PITPNC1: variants seen among roughly 807,000 people sequenced by gnomAD.
The protein encoded by PITPNC1 is phosphatidylinositol transfer protein cytoplasmic 1.
A neutral mutation model predicts 44.7 loss-of-function variants in PITPNC1; 18 were observed. That is an observed-to-expected ratio of 0.40 (90% confidence interval 0.28 to 0.60). The LOEUF is 0.60. PITPNC1 is among the 20% of genes least tolerant of loss of function. The probability of loss-of-function intolerance (pLI) is 0.39; values close to 1 mark genes in which losing one functional copy is unlikely to be tolerated. For missense variants in PITPNC1, 290 were observed against 418.4 expected, an observed-to-expected ratio of 0.69 and a Z score of 2.68; for synonymous variants, 141 against 149.6, an observed-to-expected ratio of 0.94 and a Z score of 0.42.
At chr17:67,491,227 A>G (rs8068510) in intron 1 of PITPNC1, among the ~76,000 whole-genome samples, 152,294 of 152,372 alleles carry the variant, frequency 1, 76,109 homozygotes, top group Middle Eastern at 1. Flanking sequence ...GCAGCCGGCC[A>G]CTGCAGCTGG....
intron 6 of PITPNC1, among the ~76,000 whole-genome samples, chr17:67,664,282 A>G (rs993777154): frequency 4.6e-5 from 7 of 152,178 alleles, no homozygotes; most frequent in Non-Finnish European, 8.8e-5. Flanking sequence ...TTCCTATGGC[A>G]TAATAATATT....
At chr17:67,478,318 A>G (rs562524974) in intron 1 of PITPNC1, among the ~76,000 whole-genome samples, 1 of 152,170 alleles carries the variant, frequency 6.6e-6, no homozygotes, top group Non-Finnish European at 1.5e-5. Context: ...TTTTTAGTTC[A>G]TTTCTTAAAA....
At chr17:67,505,212 G>A (rs906656464) in intron 1 of PITPNC1, among the ~76,000 whole-genome samples, 1 of 152,124 alleles carries the variant, frequency 6.6e-6, no homozygotes, top group Admixed American at 6.5e-5. Flanking sequence ...GATGTGTTCT[G>A]TTGATTTTTT....
At chr17:67,688,324 G>A (rs1189875793) in intron 8 of PITPNC1, among the ~76,000 whole-genome samples, 1 of 23,524 alleles carries the variant, frequency 4.3e-5, no homozygotes, top group East Asian at 3.8e-3. Flanking sequence ...GGCAACAAGA[G>A]CAAAATTCTG....
chr17:67,564,640 T>A (rs910892601), intron 4 of PITPNC1, among the ~76,000 whole-genome samples: 2 of 152,226 alleles, frequency 1.3e-5, no homozygotes, highest in African/African-American at 4.8e-5. Context: ...AGTTGACGCC[T>A]AAAATTAACC....
chr17:67,685,812 A>T (rs1355550258), intron 8 of PITPNC1, among the ~76,000 whole-genome samples: 1 of 151,922 alleles, frequency 6.6e-6, no homozygotes, highest in Non-Finnish European at 1.5e-5. Context: ...TGGGTTCCTT[A>T]TTTAAGTTTT....
At chr17:67,381,268 C>T (rs1322163736) in intron 1 of PITPNC1, among the ~76,000 whole-genome samples, 1 of 140,872 alleles carries the variant, frequency 7.1e-6, no homozygotes, top group African/African-American at 2.7e-5. Flanking sequence ...GCGGAGCTTG[C>T]AGTGAGCTGA....
At chr17:67,685,876 G>A (rs1283293948) in intron 8 of PITPNC1, among the ~76,000 whole-genome samples, 1 of 151,938 alleles carries the variant, frequency 6.6e-6, no homozygotes, top group African/African-American at 2.4e-5. Flanking sequence ...TGTCGCCCAG[G>A]CTGGAGTGCA....
intron 6 of PITPNC1, among the ~76,000 whole-genome samples, chr17:67,637,069 A>C (rs1225602263): frequency 2.0e-5 from 3 of 152,188 alleles, no homozygotes; most frequent in African/African-American, 7.2e-5. Flanking sequence ...ATGCTAGCTC[A>C]TCACTATGGC....
At chr17:67,504,538 C>G (rs934428916) in intron 1 of PITPNC1, among the ~76,000 whole-genome samples, 1 of 152,174 alleles carries the variant, frequency 6.6e-6, no homozygotes. Flanking sequence ...CTCTAGAACC[C>G]GTACCTTCCT....
chr17:67,464,680 C>G (rs1391439888), intron 1 of PITPNC1, among the ~76,000 whole-genome samples: 1 of 151,828 alleles, frequency 6.6e-6, no homozygotes, highest in East Asian at 1.9e-4. Flanking sequence ...CCAAAAAAAG[C>G]ACAGCGTTAT....
At chr17:67,466,439 G>A (rs750178092) in intron 1 of PITPNC1, among the ~76,000 whole-genome samples, 5 of 152,118 alleles carry the variant, frequency 3.3e-5, no homozygotes, top group Non-Finnish European at 7.4e-5. Context: ...GGGGCAGATG[G>A]GACCCATTAG....
At chr17:67,397,828 T>G (rs2143813799) in intron 1 of PITPNC1, among the ~76,000 whole-genome samples, 1 of 152,288 alleles carries the variant, frequency 6.6e-6, no homozygotes, top group East Asian at 1.9e-4. Flanking sequence ...GTGCGGTGGC[T>G]CACGCCTGTA....
rs1454114377 is a variant in PITPNC1 at position 67,696,665 on chromosome 17, G to A, written c.*3777G>A. On this transcript the variant is annotated 3_prime_UTR_variant, in exon 9 of 9. Coordinates refer to ENST00000581322, the MANE Select transcript of PITPNC1 (RefSeq NM_012417.4). ...TGCTGAAACTGAAGTGTACACAATAGCACACTGTTGGCATGCTGAGGCAAA... is the reference window on the plus strand; with the variant it reads ...TGCTGAAACTGAAGTGTACACAATAACACACTGTTGGCATGCTGAGGCAAA... 1.3e-5 allele frequency: 2 copies of A among 152,178 alleles called. No homozygotes were observed. The highest frequency in any genetic ancestry group is 2.9e-5 in the Non-Finnish European group (2 of 68,036). 9.4% of individuals were successfully genotyped at this position (152,178 alleles called of 1,614,324 possible).
chr17:67,682,255 G>A (rs2042723453), intron 8 of PITPNC1, among the ~76,000 whole-genome samples: 1 of 152,130 alleles, frequency 6.6e-6, no homozygotes, highest in Non-Finnish European at 1.5e-5. Flanking sequence ...TGTACAACAA[G>A]TACAAAGCTA....
chr17:67,675,704 A>AT (rs1372746536), intron 8 of PITPNC1, among the ~76,000 whole-genome samples, 162 bp downstream of exon 8: 1 of 152,226 alleles, frequency 6.6e-6, no homozygotes, highest in Non-Finnish European at 1.5e-5. Flanking sequence ...TGAAGATGTA[A>AT]TTATAGAAGC....
chr17:67,531,046 C>G (rs939922234), intron 1 of PITPNC1, among the ~76,000 whole-genome samples: 1 of 152,102 alleles, frequency 6.6e-6, no homozygotes, highest in African/African-American at 2.4e-5. Flanking sequence ...AGTTCAAGAC[C>G]AGCCTGGGCA....
chr17:67,610,299 C>T (rs1050464909), intron 5 of PITPNC1, among the ~76,000 whole-genome samples: 3 of 152,130 alleles, frequency 2.0e-5, no homozygotes, highest in African/African-American at 7.2e-5. Context: ...GCTGGAAGGG[C>T]CTGTTCTGTG....
chr17:67,507,683 CAAAAAAA>C (rs59838492), intron 1 of PITPNC1, among the ~76,000 whole-genome samples: 247 of 79,506 alleles, frequency 3.1e-3, no homozygotes, highest in Middle Eastern at 0.021. Flanking sequence ...GACTTGGTCT[CAAAAAAA>C]AAAAAAAAAA....
Sources: allele counts gnomAD v4.1 joint callset (sites outside exome capture counted in the v4.1 genomes callset), GRCh38; gene constraint gnomAD v4.1.1; transcripts MANE v1.5; gene names NCBI Gene and HGNC (gene_info 2026-07-23, HGNC 2026-07-21).